Variants in PTGER4 observed in about 807,000 individuals in gnomAD.
The protein encoded by PTGER4 is prostaglandin E2 receptor EP4 subtype.
A neutral mutation model predicts 33.2 loss-of-function variants in PTGER4; 11 were observed. That is an observed-to-expected ratio of 0.33 (90% CI 0.21 to 0.55). The LOEUF is 0.55. Ranked by LOEUF, PTGER4 falls within the 20% of genes least tolerant of loss-of-function variation. The pLI, the probability that PTGER4 is intolerant of heterozygous loss-of-function variation, is 0.92. For synonymous variants in PTGER4, 275 were observed against 281.5 expected, an observed-to-expected ratio of 0.98 and a Z score of 0.23; for missense variants, 481 against 650.2, an observed-to-expected ratio of 0.74 and a Z score of 2.83.
At chr5:40,689,059 TG>T in intron 2 of PTGER4, among the ~76,000 whole-genome samples, 1 of 152,188 alleles carries the variant, frequency 6.6e-6, no homozygotes, top group East Asian at 1.9e-4. Flanking sequence ...TTGCAAAATA[TG>T]TAATATCCCC....
the PTGER4 span, among the ~76,000 whole-genome samples, chr5:40,714,262 A>G: frequency 6.6e-6 from 1 of 152,218 alleles, no homozygotes; most frequent in Non-Finnish European, 1.5e-5. Flanking sequence ...CTCCTTTTTT[A>G]AAATCAGAGG....
chr5:40,722,698 G>A, the PTGER4 span, among the ~76,000 whole-genome samples: 47 of 151,596 alleles, frequency 3.1e-4, 2 homozygotes, highest in South Asian at 8.3e-3. Context: ...AGTGAGGAGC[G>A]TCTCCGCCCG....
chr5:40,681,815 C>T lies in PTGER4; in HGVS notation c.822C>T (p.Leu274=), dbSNP rs778532735. Residue 274 remains leucine (L), a synonymous_variant, in exon 2 of 3, where the codon CTC becomes CTT. Transcript: ENST00000302472. This position sits in a 1 kb window ranked among gnomAD's most constrained non-coding sequence, Gnocchi z 9.8. ...AGAEIQMVIL[L]IATSLVVLIC... Reference sequence around the variant, plus strand: ...CCGAGATCCAGATGGTCATCTTACTCATTGCCACCTCCCTGGTGGTGCTCA... The same window carrying T: ...CCGAGATCCAGATGGTCATCTTACTTATTGCCACCTCCCTGGTGGTGCTCA... 2.5e-6 allele frequency: 4 copies of T among 1,583,158 alleles called. No individual in the cohort carries two copies. Among genetic ancestry groups the T allele is most frequent in the Admixed American group, 3.6e-5 (2 of 55,568 alleles).
the PTGER4 span, among the ~76,000 whole-genome samples, chr5:40,729,588 C>G: frequency 6.6e-6 from 1 of 152,168 alleles, no homozygotes; most frequent in Non-Finnish European, 1.5e-5. Context: ...CCAATCCATC[C>G]TCATTTTTAA....
the PTGER4 span, among the ~76,000 whole-genome samples, chr5:40,721,744 G>T: frequency 6.6e-6 from 1 of 151,998 alleles, no homozygotes; most frequent in Admixed American, 6.5e-5. Context: ...TCTTAAAAAT[G>T]ATTTCCTGAA....
rs1265776830 is a variant in PTGER4, at chr5:40,680,083, G to T, written c.-439G>T. The stretch of plus-strand genomic sequence containing the variant: ...CCAGTAGCCGCCCGTGCTGCCCGTG[G>T]CTGGGGCGGAGGGCAGCCAGAGCTG... On this transcript the variant is annotated 5_prime_UTR_variant, in exon 1 of 3. Transcript: ENST00000302472. This position sits in a 1 kb window ranked among gnomAD's most constrained non-coding sequence, Gnocchi z 5.5. 6.6e-6 allele frequency: 1 copy of T among 152,508 alleles called. No homozygotes were observed. Among genetic ancestry groups the T allele is most frequent in the African/African-American group, 2.4e-5 (1 of 41,582 alleles). The allele number at this position is 152,508 out of a possible 1,614,324, so 9.4% of individuals were successfully genotyped here.
chr5:40,741,915 G>A, the PTGER4 span, among the ~76,000 whole-genome samples: 3 of 152,024 alleles, frequency 2.0e-5, no homozygotes, highest in African/African-American at 7.3e-5. Context: ...CTTGAGCCTG[G>A]GAGACAGAGG....
chr5:40,714,058 GC>G, the PTGER4 span, among the ~76,000 whole-genome samples: 2 of 152,018 alleles, frequency 1.3e-5, no homozygotes, highest in African/African-American at 4.8e-5. Context: ...GACTAACTTG[GC>G]CTACCATGCC....
At chr5:40,744,122 C>T in the PTGER4 span, among the ~76,000 whole-genome samples, 1 of 152,290 alleles carries the variant, frequency 6.6e-6, no homozygotes, top group East Asian at 1.9e-4. Context: ...TATGGATGTA[C>T]TCAAAGTATT....
At position 40,680,836 on chromosome 5, in the gene PTGER4, G is replaced by A. The variant is rs1741163335; in HGVS notation, c.-43-115G>A. ...GTAAGTGGCTACAATCCAGAAAGTA[G>A]GATCGAGTTGCTCCCCTTGTCTTAT... On this transcript the variant is annotated intron_variant, in intron 1 of 2. Transcript: ENST00000302472. This position sits in a 1 kb window ranked among gnomAD's most constrained non-coding sequence, Gnocchi z 5.5. 4.2e-6 allele frequency: 4 copies of A among 956,232 alleles called. No homozygotes were observed. Among genetic ancestry groups the A allele is most frequent in the Middle Eastern group, 2.2e-4 (1 of 4,554 alleles). 59.2% of individuals were successfully genotyped at this position (956,232 alleles called of 1,614,324 possible). A position where few individuals can be genotyped will look rare whatever the true frequency, so the allele number is the denominator to read the frequency against.
chr5:40,707,856 T>A, the PTGER4 span, among the ~76,000 whole-genome samples: 1 of 152,104 alleles, frequency 6.6e-6, no homozygotes, highest in Admixed American at 6.6e-5. Flanking sequence ...GCAATCAAAC[T>A]AGAACTCAGG....
At chr5:40,727,954 C>G in the PTGER4 span, among the ~76,000 whole-genome samples, 1 of 151,992 alleles carries the variant, frequency 6.6e-6, no homozygotes, top group Non-Finnish European at 1.5e-5. Flanking sequence ...ACTTGATAAA[C>G]GGCTATTCAC....
chr5:40,709,541 A>C, the PTGER4 span, among the ~76,000 whole-genome samples: 1 of 152,228 alleles, frequency 6.6e-6, no homozygotes, highest in Non-Finnish European at 1.5e-5. Flanking sequence ...AGAGGATACA[A>C]ATAAATGGAA....
the PTGER4 span, among the ~76,000 whole-genome samples, chr5:40,746,129 A>C: frequency 6.6e-6 from 1 of 152,154 alleles, no homozygotes. Flanking sequence ...TCTACTAAAA[A>C]ATTTGTCTTT....
chr5:40,739,071 G>A, the PTGER4 span, among the ~76,000 whole-genome samples: 1 of 152,040 alleles, frequency 6.6e-6, no homozygotes, highest in Non-Finnish European at 1.5e-5. Flanking sequence ...ACATACATGT[G>A]GGTCATTTCT....
the PTGER4 span, among the ~76,000 whole-genome samples, chr5:40,726,140 C>CTT: frequency 6.8e-5 from 6 of 87,612 alleles, no homozygotes; most frequent in South Asian, 3.9e-4. Flanking sequence ...CTCATAAAGT[C>CTT]TTTTATATAT....
chr5:40,728,304 A>AAAAAAT, the PTGER4 span: 2 of 1,419,780 alleles, frequency 1.4e-6, no homozygotes, highest in Non-Finnish European at 1.9e-6. Context: ...AAGTCAAAAT[A>AAAAAAT]TACTTAAAAT....
chr5:40,744,949 C>A, the PTGER4 span, among the ~76,000 whole-genome samples: 42 of 152,214 alleles, frequency 2.8e-4, no homozygotes, highest in Non-Finnish European at 5.4e-4. Context: ...ATGTTACCTA[C>A]GACATATACT....
At position 40,693,283 on chromosome 5, in the gene PTGER4, A is replaced by T. The variant is rs1400508869; in HGVS notation, c.*905A>T. ...TAACATAAATTTTTTGAAGTCTTTA[A>T]TAAATAACCCATAATTGAAGTGTAT... On this transcript the variant is annotated 3_prime_UTR_variant, in exon 3 of 3. Coordinates refer to ENST00000302472, the MANE Select transcript of PTGER4 (RefSeq NM_000958.3). The T allele has an allele frequency of 7.2e-6, 7 of 974,420 alleles. No homozygotes were observed. In the African/African-American group the frequency reaches 1.2e-4, roughly 17 times the overall value. The allele number at this position is 974,420 out of a possible 1,614,324, so 60.4% of individuals were successfully genotyped here.
Sources: gnomAD v4.1 joint callset for allele counts (sites outside exome capture counted in the v4.1 genomes callset) on GRCh38, gnomAD v4.1.1 for gene constraint, Gnocchi (gnomAD v3.1) non-coding constraint, MANE v1.5 for transcripts, NCBI Gene and HGNC (gene_info 2026-07-23, HGNC 2026-07-21) for gene names.